The following HDAC9 variants were observed in gnomAD, a reference collection of about 807,000 sequenced individuals.
The protein encoded by HDAC9 is histone deacetylase 9.
HDAC9 carries 41 observed loss-of-function variants against 139.4 expected under a neutral mutation model. The observed-to-expected ratio is 0.29, with a 90% CI of 0.23 to 0.38. The LOEUF is 0.38. Among genes scored for constraint, HDAC9 ranks in the 10% least tolerant of loss-of-function variants. The pLI is 1.00. For missense variants in HDAC9, 1,147 were observed against 1,297.0 expected (o/e 0.88, Z 1.78); for synonymous variants, 517 against 476.2 (o/e 1.09, Z -1.12).
chr7:18,132,119 C>T (rs190532074), intron 1 of HDAC9, among the ~76,000 whole-genome samples: 11 of 152,232 alleles, frequency 7.2e-5, no homozygotes, highest in African/African-American at 2.6e-4. Context: ...TGTTCATTTA[C>T]TTCCCTCCCT....
At chr7:18,219,131 T>G (rs1458252470) in intron 2 of HDAC9, among the ~76,000 whole-genome samples, 1 of 152,192 alleles carries the variant, frequency 6.6e-6, no homozygotes, top group Non-Finnish European at 1.5e-5. Context: ...GCAGTTTGAA[T>G]TTTTTATTAC....
chr7:18,875,838 A>C (rs2129248797), intron 22 of HDAC9, among the ~76,000 whole-genome samples: 1 of 152,294 alleles, frequency 6.6e-6, no homozygotes, highest in South Asian at 2.1e-4. Context: ...GAACTGGTAA[A>C]CAGTTGTCTA....
chr7:18,728,444 CACAA>C (rs996148872), intron 13 of HDAC9, among the ~76,000 whole-genome samples: 11 of 130,202 alleles, frequency 8.4e-5, no homozygotes, highest in Non-Finnish European at 1.7e-4. Context: ...CACACACACA[CACAA>C]AGGGTGCTAT....
At chr7:18,239,349 C>T (rs1304043423) in intron 2 of HDAC9, among the ~76,000 whole-genome samples, 1 of 152,178 alleles carries the variant, frequency 6.6e-6, no homozygotes, top group East Asian at 1.9e-4. Flanking sequence ...ACCCTCTTGT[C>T]TGACATTCTG....
chr7:18,988,362 G>A (rs897111334), intron 25 of HDAC9, among the ~76,000 whole-genome samples: 2 of 152,012 alleles, frequency 1.3e-5, no homozygotes, highest in Non-Finnish European at 2.9e-5. Flanking sequence ...TTTCCATGTA[G>A]TTGAGCGGTT....
chr7:18,338,079 G>T (rs915678154), intron 1 of HDAC9, among the ~76,000 whole-genome samples: 1 of 151,644 alleles, frequency 6.6e-6, no homozygotes, highest in African/African-American at 2.4e-5. Context: ...CTACAACAGG[G>T]TTAAGTACCT....
chr7:18,658,488 A>G (rs76281429), intron 11 of HDAC9, among the ~76,000 whole-genome samples: 1,704 of 152,286 alleles, frequency 0.011, 29 homozygotes, highest in African/African-American at 0.038. Flanking sequence ...TTTATTAAAA[A>G]TTCACTTCAT....
chr7:18,162,575 G>C (rs1787708203), intron 2 of HDAC9: 1 of 547,656 alleles, frequency 1.8e-6, no homozygotes, highest in Admixed American at 3.3e-5. Context: ...GTCTGAGCAT[G>C]GGACTTTAAT....
At chr7:18,396,079 ATTCCCTTCCCTTCCC>A (rs775874685) in intron 1 of HDAC9, among the ~76,000 whole-genome samples, 81 of 46,508 alleles carry the variant, frequency 1.7e-3, no homozygotes, top group African/African-American at 4.8e-3. Context: ...TCAAAGTGTC[ATTCCCTTCCCTTCCC>A]TTCCCTTCCC....
chr7:18,379,310 A>T (rs1229642384), intron 1 of HDAC9, among the ~76,000 whole-genome samples: 1 of 152,246 alleles, frequency 6.6e-6, no homozygotes, highest in African/African-American at 2.4e-5. Context: ...AAGTTCTGTC[A>T]GTAGAGAAAA....
chr7:18,866,721 C>T (rs1488822942), intron 21 of HDAC9, among the ~76,000 whole-genome samples: 2 of 152,168 alleles, frequency 1.3e-5, no homozygotes, highest in African/African-American at 4.8e-5. Flanking sequence ...TTTTGAGTTG[C>T]AGGCTGTGGA....
At chr7:18,415,684 G>A (rs1412522730) in intron 1 of HDAC9, among the ~76,000 whole-genome samples, 1 of 152,164 alleles carries the variant, frequency 6.6e-6, no homozygotes, top group Non-Finnish European at 1.5e-5. Flanking sequence ...ATATGAGAAT[G>A]TTATGATGCA....
At chr7:18,541,862 G>A (rs1464648809) in intron 2 of HDAC9, among the ~76,000 whole-genome samples, 1 of 152,144 alleles carries the variant, frequency 6.6e-6, no homozygotes, top group Non-Finnish European at 1.5e-5. Context: ...TGGTAAATCT[G>A]TATTATTTAT....
rs1633987 is a variant in HDAC9, at chr7:18,590,529, G to A, written c.415+43G>A. On this transcript the variant is annotated intron_variant, in intron 4 of 25. Transcript: ENST00000686413. ...AAACGATGGACTCTCTTTCCTCATCGTTAGCTGATCATTATTCAGAACAAA... is the reference window on the plus strand; with the variant it reads ...AAACGATGGACTCTCTTTCCTCATCATTAGCTGATCATTATTCAGAACAAA... 1.8e-3 allele frequency: 2,799 copies of A among 1,546,324 alleles called. 40 individuals carry two copies. In the African/African-American group the frequency reaches 0.031, roughly 17 times the overall value.
intron 1 of HDAC9, among the ~76,000 whole-genome samples, chr7:18,132,280 C>T (rs1342096111): frequency 6.6e-6 from 1 of 152,088 alleles, no homozygotes; most frequent in Non-Finnish European, 1.5e-5. Flanking sequence ...TCAAATGGAA[C>T]TACATTCAAG....
chr7:18,545,514 G>C (rs1814484234), intron 2 of HDAC9, among the ~76,000 whole-genome samples: 1 of 152,078 alleles, frequency 6.6e-6, no homozygotes, highest in Non-Finnish European at 1.5e-5. Context: ...ATATCTTTTG[G>C]CCTAGGGGGT....
chr7:18,971,865 C>T (rs1784261645), intron 24 of HDAC9, among the ~76,000 whole-genome samples: 1 of 152,162 alleles, frequency 6.6e-6, no homozygotes, highest in Non-Finnish European at 1.5e-5. Flanking sequence ...ATTTTAAATC[C>T]TTCCTAGTAC....
At chr7:18,156,611 G>A (rs988967589) in intron 1 of HDAC9, among the ~76,000 whole-genome samples, 1 of 152,222 alleles carries the variant, frequency 6.6e-6, no homozygotes, top group African/African-American at 2.4e-5. Context: ...TCTACTAGGT[G>A]TGGGGGTTAC....
chr7:18,307,508 A>T (rs1799006917), intron 1 of HDAC9, among the ~76,000 whole-genome samples: 1 of 152,168 alleles, frequency 6.6e-6, no homozygotes, highest in Non-Finnish European at 1.5e-5. Flanking sequence ...TAACATTATA[A>T]AATCAAAATT....
Sources: allele counts gnomAD v4.1 joint callset (sites outside exome capture counted in the v4.1 genomes callset), GRCh38; gene constraint gnomAD v4.1.1; transcripts MANE v1.5; gene names NCBI Gene and HGNC (gene_info 2026-07-23, HGNC 2026-07-21).